The following LHPP variants were observed in gnomAD, a reference collection of about 807,000 sequenced individuals.
LHPP encodes phospholysine phosphohistidine inorganic pyrophosphate phosphatase.
In LHPP, 24 loss-of-function variants were observed where a neutral mutation model predicts 30.3. The ratio of observed to expected loss-of-function variants is 0.79; its 90% CI spans 0.57 to 1.11. The LOEUF is 1.11. Among genes scored for constraint, LHPP ranks in the 50% most tolerant of loss-of-function variants. The pLI is 0.00. For missense variants in LHPP, 356 were observed against 367.2 expected (o/e 0.97, Z 0.25); for synonymous variants, 150 against 157.1 (o/e 0.95, Z 0.34).
chr10:124,545,160 A>AG (rs1040147346), intron 6 of LHPP, among the ~76,000 whole-genome samples: 1 of 152,166 alleles, frequency 6.6e-6, no homozygotes, highest in East Asian at 1.9e-4. Context: ...TTTGCAGTGA[A>AG]GGGGGGCTCC....
intron 6 of LHPP, among the ~76,000 whole-genome samples, chr10:124,529,813 G>GCACACACA (rs3083540): frequency 3.6e-4 from 53 of 147,186 alleles, no homozygotes; most frequent in African/African-American, 1.2e-3. Flanking sequence ...ACACACACAC[G>GCACACACA]CACACACACA....
chr10:124,592,104 C>T lies in LHPP; in HGVS notation c.717-21160C>T, dbSNP rs4962665. On this transcript the variant is annotated intron_variant, in intron 6 of 6. Coordinates refer to ENST00000368842, the MANE Select transcript of LHPP (RefSeq NM_022126.4). This position sits in a 1 kb window ranked among gnomAD's most constrained non-coding sequence, Gnocchi z 6.2. ...GGGGTTGGGGAACAATAAGAGAAGG[C>T]AAGCCCTATGGGATGGTAAACTGCA... Among the ~76,000 whole-genome samples, 30,647 of 152,146 alleles carry T rather than the reference C, an allele frequency of 0.2. 3,494 individuals carry two copies. The highest frequency in any genetic ancestry group is 0.32 in the East Asian group (1,648 of 5,164).
Position 124,496,562 on chromosome 10 carries a change from G to T in LHPP, c.468-399G>T, listed in dbSNP as rs915993224. ...AGGGGTTAATTATTAGCAATTAGGGGTTCGCCACATACCCCGTGGACCTGC... is the reference window on the plus strand; with the variant it reads ...AGGGGTTAATTATTAGCAATTAGGGTTTCGCCACATACCCCGTGGACCTGC... On this transcript the variant is annotated intron_variant, in intron 3 of 6. Coordinates refer to ENST00000368842, the MANE Select transcript of LHPP (RefSeq NM_022126.4). The surrounding 1 kb of genome is among the most constrained non-coding windows in gnomAD (Gnocchi z 4.3). Among the ~76,000 whole-genome samples, 1 of 152,210 alleles carries T rather than the reference G, an allele frequency of 6.6e-6. No individual in the cohort carries two copies. The highest frequency in any genetic ancestry group is 2.4e-5 in the African/African-American group (1 of 41,448).
At chr10:124,539,612 T>C (rs914049342) in intron 6 of LHPP, among the ~76,000 whole-genome samples, 2 of 152,106 alleles carry the variant, frequency 1.3e-5, no homozygotes, top group African/African-American at 4.8e-5. Flanking sequence ...GGCTCACGCC[T>C]GTAATCTCAG....
At chr10:124,462,008 C>G (rs1317516919) in intron 1 of LHPP, 21 bp downstream of exon 1, 1 of 1,203,940 alleles carries the variant, frequency 8.3e-7, no homozygotes, top group Admixed American at 4.4e-5. Context: ...CCCGGGACGC[C>G]GCTGGGGCCG....
At position 124,596,065 on chromosome 10, in the gene LHPP, G is replaced by A. The variant is rs1948938060; in HGVS notation, c.717-17199G>A. Among the ~76,000 whole-genome samples, 1 of 152,140 alleles carries A rather than the reference G, an allele frequency of 6.6e-6. No individual in the cohort carries two copies. Among genetic ancestry groups the A allele is most frequent in the Admixed American group, 6.5e-5 (1 of 15,272 alleles). On this transcript the variant is annotated intron_variant, in intron 6 of 6. Coordinates refer to ENST00000368842, the MANE Select transcript of LHPP (RefSeq NM_022126.4). This position sits in a 1 kb window ranked among gnomAD's most constrained non-coding sequence, Gnocchi z 4.6. ...TGAACACCCACCGTTCATTTCATCC[G>A]TGTTGTTCTGTGCAGCCAGACTCCA...
chr10:124,508,376 C>T (rs892588721), intron 5 of LHPP, among the ~76,000 whole-genome samples: 3 of 152,188 alleles, frequency 2.0e-5, no homozygotes, highest in African/African-American at 4.8e-5. Context: ...GGGCCCAGGA[C>T]GGGGGTCAGC....
At chr10:124,493,331 C>T (rs898018188) in intron 3 of LHPP, among the ~76,000 whole-genome samples, 18 of 152,158 alleles carry the variant, frequency 1.2e-4, no homozygotes, top group African/African-American at 3.6e-4. Context: ...GCTGCCATCA[C>T]CATGCCGTCC....
intron 6 of LHPP, among the ~76,000 whole-genome samples, chr10:124,567,957 G>A (rs1948519323): frequency 6.6e-6 from 1 of 152,204 alleles, no homozygotes; most frequent in South Asian, 2.1e-4. Context: ...TCTGTCGCCA[G>A]GCTGGAGTGC....
At chr10:124,521,616 G>A (rs948445730) in intron 6 of LHPP, among the ~76,000 whole-genome samples, 5 of 152,182 alleles carry the variant, frequency 3.3e-5, no homozygotes, top group African/African-American at 1.2e-4. Context: ...CCTTGTCCTG[G>A]GCCCAGGTGG....
At chr10:124,494,597 G>C (rs542281772) in intron 3 of LHPP, among the ~76,000 whole-genome samples, 25 of 152,294 alleles carry the variant, frequency 1.6e-4, no homozygotes, top group Non-Finnish European at 3.2e-4. Flanking sequence ...CCTGCAGAGG[G>C]CCTTGCCTGT....
At chr10:124,516,412 G>A (rs546570492) in intron 5 of LHPP, among the ~76,000 whole-genome samples, 1 of 152,322 alleles carries the variant, frequency 6.6e-6, no homozygotes, top group South Asian at 2.1e-4. Context: ...TCACGCTGCG[G>A]GCTAGTGAAT....
At position 124,566,182 on chromosome 10, in the gene LHPP, G is replaced by A. The variant is rs1253096295; in HGVS notation, c.717-47082G>A. On this transcript the variant is annotated intron_variant, in intron 6 of 6. Transcript: ENST00000368842. ...ATCACCTTCTCCAGTTACTTGAAGTGGGCCAGGTCCTGGAGACCGGGCGTG... is the reference window on the plus strand; with the variant it reads ...ATCACCTTCTCCAGTTACTTGAAGTAGGCCAGGTCCTGGAGACCGGGCGTG... Among the ~76,000 whole-genome samples, 8 of 152,226 alleles carry A rather than the reference G, an allele frequency of 5.3e-5. 1 individual carries two copies. The South Asian group carries it at 1.2e-3, about 24-fold the overall frequency.
At chr10:124,492,325 C>T (rs931365319) in intron 3 of LHPP, among the ~76,000 whole-genome samples, 3 of 152,160 alleles carry the variant, frequency 2.0e-5, no homozygotes, top group African/African-American at 4.8e-5. Context: ...TAAAATGTGT[C>T]CTGTATGTAG....
intron 6 of LHPP, among the ~76,000 whole-genome samples, chr10:124,580,611 AC>A (rs2133990915): frequency 6.6e-6 from 1 of 152,292 alleles, no homozygotes; most frequent in East Asian, 1.9e-4. Flanking sequence ...CTTTATTGAG[AC>A]ATAATTCACA....
Position 124,574,341 on chromosome 10 carries a change from G to A in LHPP, c.717-38923G>A, listed in dbSNP as rs953417510. Among the ~76,000 whole-genome samples the A allele has an allele frequency of 5.3e-5, 8 of 152,212 alleles. No homozygotes were observed. In the East Asian group the frequency reaches 7.7e-4, roughly 15 times the overall value. On this transcript the variant is annotated intron_variant, in intron 6 of 6. Transcript: ENST00000368842. ...CAGGCTCGCCCCCCTGCGAGGGCGC[G>A]CACGGATTCGCTCGCCACCAAGAGC...
Position 124,593,327 on chromosome 10 carries a change from ACT to A in LHPP, c.717-19934_717-19933del, listed in dbSNP as rs60620875. ...GGCTGCGCTCTCGGGAGGGAAACAG[ACT>A]CTTATCCTCTTAGGTACAGCCTCCC... On this transcript the variant is annotated intron_variant, in intron 6 of 6. Transcript: ENST00000368842. This position sits in a 1 kb window ranked among gnomAD's most constrained non-coding sequence, Gnocchi z 4.9. 0.092 allele frequency among the ~76,000 whole-genome samples: 13,925 copies of A among 151,614 alleles called. 720 individuals carry two copies. Among genetic ancestry groups the A allele is most frequent in the Admixed American group, 0.14 (2,195 of 15,250 alleles).
At chr10:124,595,745 A>G (rs1948934131) in intron 6 of LHPP, among the ~76,000 whole-genome samples, 1 of 152,200 alleles carries the variant, frequency 6.6e-6, no homozygotes, top group African/African-American at 2.4e-5. Flanking sequence ...CTGTCCCAGT[A>G]CAAATATCAC....
intron 1 of LHPP, among the ~76,000 whole-genome samples, chr10:124,483,708 G>A (rs1953217731): frequency 6.6e-6 from 1 of 152,186 alleles, no homozygotes; most frequent in African/African-American, 2.4e-5. Context: ...AGTGAGCTGA[G>A]ATCATGCCAC....
Sources: allele counts gnomAD v4.1 joint callset (sites outside exome capture counted in the v4.1 genomes callset), GRCh38; gene constraint gnomAD v4.1.1; non-coding constraint Gnocchi (gnomAD v3.1); transcripts MANE v1.5; gene names NCBI Gene and HGNC (gene_info 2026-07-23, HGNC 2026-07-21).